The following ERI3 variants were observed in gnomAD, a reference collection of about 807,000 sequenced individuals.
The protein encoded by ERI3 is ERI1 exoribonuclease 3.
ERI3 carries 18 observed loss-of-function variants against 44.4 expected under a neutral mutation model. That is an observed-to-expected ratio of 0.41 (90% CI 0.28 to 0.60). The LOEUF (loss-of-function observed/expected upper bound fraction) is 0.60. Ranked by LOEUF, ERI3 falls within the 20% of genes least tolerant of loss-of-function variation. The probability of loss-of-function intolerance (pLI) is 0.36; values close to 1 mark genes in which losing one functional copy is unlikely to be tolerated. For missense variants in ERI3, 294 were observed against 435.5 expected (o/e 0.68, Z 2.89); for synonymous variants, 183 against 164.8 (o/e 1.11, Z -0.84).
chr1:44,248,809 T>C (rs1644610678), intron 7 of ERI3, among the ~76,000 whole-genome samples: 1 of 151,966 alleles, frequency 6.6e-6, no homozygotes, highest in Non-Finnish European at 1.5e-5. Context: ...CTGTACTTAA[T>C]TGTTTTCCTG....
chr1:44,325,622 T>C (rs1404701898), intron 3 of ERI3, among the ~76,000 whole-genome samples: 1 of 152,184 alleles, frequency 6.6e-6, no homozygotes, highest in African/African-American at 2.4e-5. Context: ...GGTTAGACTG[T>C]TGGGATTCAT....
At chr1:44,251,481 C>G (rs973930327) in intron 7 of ERI3, among the ~76,000 whole-genome samples, 1 of 152,192 alleles carries the variant, frequency 6.6e-6, no homozygotes, top group Non-Finnish European at 1.5e-5. Context: ...TGAGGAGCCA[C>G]GGCTGGCACT....
intron 8 of ERI3, among the ~76,000 whole-genome samples, chr1:44,234,502 A>C (rs1254380265): frequency 6.6e-6 from 1 of 151,412 alleles, no homozygotes; most frequent in East Asian, 2.0e-4. Context: ...TCTCTACTAA[A>C]AATACAAAAA....
rs577617856 is a variant in ERI3, at chr1:44,278,906, A to G, written c.831+5929T>C. ...GCATGAGCCACTGCATCTGGCCAAG[A>G]AAGTTTTTAATTTAAATTGATTAAA... On this transcript the variant is annotated intron_variant, in intron 7 of 8. Transcript: ENST00000372257. Among the ~76,000 whole-genome samples, 26 of 152,336 alleles carry G rather than the reference A, an allele frequency of 1.7e-4. No individual in the cohort carries two copies. The South Asian group carries it at 5.2e-3, about 30-fold the overall frequency.
rs993210973 is a variant in ERI3, at chr1:44,221,948, A to G, written c.932-308T>C. Among the ~76,000 whole-genome samples, 1 of 152,070 alleles carries G rather than the reference A, an allele frequency of 6.6e-6. No individual in the cohort carries two copies. The highest frequency in any genetic ancestry group is 2.4e-5 in the African/African-American group (1 of 41,406). ...TCGCAGTAAGAAAAAGGCAGAGTAA[A>G]TGTGTAATTTCTCCCTTGACGGCCC... On this transcript the variant is annotated intron_variant, in intron 8 of 8. Transcript: ENST00000372257. The surrounding 1 kb of genome is among the most constrained non-coding windows in gnomAD (Gnocchi z 5.9).
rs570252568 is a variant in ERI3, at chr1:44,354,797, G to A, written c.135+95C>T. On this transcript the variant is annotated intron_variant, in intron 1 of 8. Transcript: ENST00000372257. ...GCATCCAGGGTAAGCACATGGGCCA[G>A]CACCCCAGGTTGCATAAATTCTGCG... The A allele has an allele frequency of 9.7e-5, 125 of 1,291,752 alleles. No individual in the cohort carries two copies. The African/African-American group carries it at 1.6e-3, about 17-fold the overall frequency. 80.0% of individuals were successfully genotyped at this position (1,291,752 alleles called of 1,614,324 possible). A position where few individuals can be genotyped will look rare whatever the true frequency, so the allele number is the denominator to read the frequency against.
intron 3 of ERI3, among the ~76,000 whole-genome samples, chr1:44,326,770 C>T (rs1405148625): frequency 6.6e-6 from 1 of 152,174 alleles, no homozygotes; most frequent in African/African-American, 2.4e-5. Flanking sequence ...TTTTCACCTA[C>T]ATGTCCCCCT....
At chr1:44,224,460 T>C (rs1008870084) in intron 8 of ERI3, among the ~76,000 whole-genome samples, 2 of 152,204 alleles carry the variant, frequency 1.3e-5, no homozygotes, top group African/African-American at 4.8e-5. Context: ...CAATCTTAAT[T>C]TCACCCACTG....
intron 8 of ERI3, among the ~76,000 whole-genome samples, chr1:44,238,282 G>A (rs1644352642): frequency 6.6e-6 from 1 of 152,040 alleles, no homozygotes; most frequent in African/African-American, 2.4e-5. Flanking sequence ...TTGTGGGGGA[G>A]ACAGGGAGAG....
At chr1:44,342,951 T>C (rs573760115) in intron 2 of ERI3, among the ~76,000 whole-genome samples, 31 of 140,766 alleles carry the variant, frequency 2.2e-4, no homozygotes, top group African/African-American at 5.3e-4. Context: ...TCAAATGTTC[T>C]TCCCACCTTG....
chr1:44,253,781 T>C (rs1055997351), intron 7 of ERI3, among the ~76,000 whole-genome samples: 4 of 152,076 alleles, frequency 2.6e-5, no homozygotes, highest in Non-Finnish European at 5.9e-5. Context: ...AGAACACAGA[T>C]AGAAGCCATG....
intron 3 of ERI3, among the ~76,000 whole-genome samples, chr1:44,328,520 G>A (rs1646362643): frequency 6.6e-6 from 1 of 152,178 alleles, no homozygotes; most frequent in Admixed American, 6.5e-5. Flanking sequence ...CGCTGGTCCA[G>A]ACTACAGCAG....
At chr1:44,310,332 T>C (rs1336135695) in intron 5 of ERI3, among the ~76,000 whole-genome samples, 1 of 152,212 alleles carries the variant, frequency 6.6e-6, no homozygotes, top group African/African-American at 2.4e-5. Context: ...ACATGTGCAA[T>C]AATTTTGTAT....
intron 6 of ERI3, among the ~76,000 whole-genome samples, chr1:44,299,338 A>G (rs1306534621): frequency 6.6e-6 from 1 of 152,018 alleles, no homozygotes; most frequent in Non-Finnish European, 1.5e-5. Flanking sequence ...ATGTGCCACC[A>G]CACCAGGTTA....
intron 7 of ERI3, among the ~76,000 whole-genome samples, chr1:44,265,159 A>C (rs1644966162): frequency 6.6e-6 from 1 of 152,218 alleles, no homozygotes; most frequent in Non-Finnish European, 1.5e-5. Flanking sequence ...AAGGAGAACA[A>C]GTGGAGTCAG....
At chr1:44,284,604 A>G (rs1311565178) in intron 7 of ERI3, among the ~76,000 whole-genome samples, 1 of 152,202 alleles carries the variant, frequency 6.6e-6, no homozygotes, top group Non-Finnish European at 1.5e-5. Context: ...GGGGGACACC[A>G]ACTAGGGCAG....
At chr1:44,304,035 C>T (rs191197270) in intron 6 of ERI3, among the ~76,000 whole-genome samples, 2 of 152,060 alleles carry the variant, frequency 1.3e-5, no homozygotes, top group East Asian at 1.9e-4. Flanking sequence ...TTCAGATTTC[C>T]GACAGAACAA....
chr1:44,305,612 G>A lies in ERI3; in HGVS notation c.758+2698C>T, dbSNP rs1645816380. Among the ~76,000 whole-genome samples, 4 of 152,326 alleles carry A rather than the reference G, an allele frequency of 2.6e-5. No homozygotes were observed. The South Asian group carries it at 8.3e-4, about 32-fold the overall frequency. On this transcript the variant is annotated intron_variant, in intron 6 of 8. Coordinates refer to ENST00000372257, the MANE Select transcript of ERI3 (RefSeq NM_024066.3). ...ATCAACTCATCTGGCTTTGACAAAA[G>A]ATGGACATAAAATGATTTGTCAGGA...
At chr1:44,316,781 TAAC>T (rs1646096956) in intron 4 of ERI3, among the ~76,000 whole-genome samples, 1 of 151,918 alleles carries the variant, frequency 6.6e-6, no homozygotes, top group Admixed American at 6.6e-5. Context: ...TTTTTCATGA[TAAC>T]AACAACAAAA....
Sources: allele counts gnomAD v4.1 joint callset (sites outside exome capture counted in the v4.1 genomes callset), GRCh38; gene constraint gnomAD v4.1.1; non-coding constraint Gnocchi (gnomAD v3.1); transcripts MANE v1.5; gene names NCBI Gene and HGNC (gene_info 2026-07-23, HGNC 2026-07-21).